The following PDS5A variants were observed in gnomAD, a reference collection of about 807,000 sequenced individuals.
PDS5A encodes sister chromatid cohesion protein PDS5 homolog A.
PDS5A carries 42 observed loss-of-function variants against 167.1 expected under a neutral mutation model. The ratio of observed to expected loss-of-function variants is 0.25; its 90% CI spans 0.20 to 0.33. PDS5A has a LOEUF of 0.33. PDS5A is among the 10% of genes least tolerant of loss of function. The pLI is 1.00. For synonymous variants in PDS5A, 553 were observed against 554.6 expected (o/e 1.00, Z 0.04); for missense variants, 1,033 against 1,605.9 (o/e 0.64, Z 6.10).
intron 17 of PDS5A, among the ~76,000 whole-genome samples, chr4:39,881,269 C>T (rs1004190848): frequency 7.2e-5 from 11 of 151,844 alleles, no homozygotes; most frequent in Non-Finnish European, 1.2e-4. Context: ...AATGAGTATA[C>T]GGATATCCCT....
At chr4:39,962,152 G>A (rs888220915) in intron 2 of PDS5A, among the ~76,000 whole-genome samples, 28 of 152,082 alleles carry the variant, frequency 1.8e-4, no homozygotes, top group African/African-American at 6.3e-4. Context: ...CCGCCTCCCG[G>A]GTTCACGGCA....
At chr4:39,842,189 T>C (rs1250356838) in intron 30 of PDS5A, 133 bp from the exon 31 acceptor site, 1 of 617,660 alleles carries the variant, frequency 1.6e-6, no homozygotes, top group East Asian at 2.8e-5. Context: ...AAGATTCGGA[T>C]ACTCTGTAGT....
In PDS5A at chr4:39,879,538, A is replaced by G. The variant is rs1336905015; in HGVS notation, c.1992+190T>C. ...TAAACAGTGAAACAAATATTAATTT[A>G]TAATGTAAAATAATTACATTATTAT... On this transcript the variant is annotated intron_variant, in intron 18 of 32. Transcript: ENST00000303538. Among the ~76,000 whole-genome samples, 6 of 152,208 alleles carry G rather than the reference A, an allele frequency of 3.9e-5. 1 individual carries two copies. In the South Asian group the frequency reaches 1.2e-3, roughly 32 times the overall value.
At chr4:39,883,411 C>T (rs577035723) in intron 17 of PDS5A, among the ~76,000 whole-genome samples, 4 of 152,174 alleles carry the variant, frequency 2.6e-5, no homozygotes, top group Admixed American at 6.5e-5. Context: ...GAACTCCTGA[C>T]CGCAGGTGAT....
chr4:39,931,894 T>C (rs2109747364), intron 2 of PDS5A, among the ~76,000 whole-genome samples: 1 of 150,620 alleles, frequency 6.6e-6, no homozygotes. Flanking sequence ...CAGGTGACTT[T>C]TTTTTTTTTT....
At chr4:39,895,727 T>A (rs547947462) in intron 16 of PDS5A, among the ~76,000 whole-genome samples, 14 of 152,280 alleles carry the variant, frequency 9.2e-5, no homozygotes, top group African/African-American at 3.4e-4. Context: ...TGTTTGATTG[T>A]TTGTTTTTGA....
chr4:39,963,756 T>A (rs944827772), intron 2 of PDS5A, among the ~76,000 whole-genome samples: 6 of 151,426 alleles, frequency 4.0e-5, no homozygotes, highest in African/African-American at 1.5e-4. Context: ...CACCTGAGCC[T>A]ATGGAGATCC....
chr4:39,924,211 C>G, intron 5 of PDS5A, among the ~76,000 whole-genome samples: 1 of 152,100 alleles, frequency 6.6e-6, no homozygotes, highest in East Asian at 1.9e-4. Context: ...AGATATTGAC[C>G]AGATATCCTG....
Position 39,902,438 on chromosome 4 carries a change from C to A in PDS5A, c.1408G>T (p.Ala470Ser). 6.4e-7 allele frequency: 1 copy of A among 1,557,928 alleles called. No individual in the cohort carries two copies. Among genetic ancestry groups the A allele is most frequent in the Non-Finnish European group, 8.8e-7 (1 of 1,139,128 alleles). Residue 470 changes from alanine (A) to serine (S), a missense_variant, in exon 13 of 33, where the codon GCT (alanine) becomes TCT (serine). By Grantham distance (99) the Ala-to-Ser change is moderately conservative. Coordinates refer to ENST00000303538, the MANE Select transcript of PDS5A (RefSeq NM_001100399.2). ...AGGTTGTGGGGGACAAGATACTGAGCAAAGATTTTCTCTACCAACAGTCTA... is the reference window on the plus strand; with the variant it reads ...AGGTTGTGGGGGACAAGATACTGAGAAAAGATTTTCTCTACCAACAGTCTA... ...DDKLLVEKIF[A>S]QYLVPHNLET...
At chr4:39,882,628 T>C (rs1210008285) in intron 17 of PDS5A, among the ~76,000 whole-genome samples, 2 of 152,226 alleles carry the variant, frequency 1.3e-5, no homozygotes, top group African/African-American at 2.4e-5. Flanking sequence ...CTACCTGTCA[T>C]GTGCCAAGTC....
At chr4:39,884,766 C>A (rs941989197) in intron 17 of PDS5A, among the ~76,000 whole-genome samples, 8 of 152,152 alleles carry the variant, frequency 5.3e-5, no homozygotes, top group African/African-American at 1.2e-4. Context: ...ATTTCCCTCA[C>A]GATTCAGTCC....
chr4:39,869,497 G>GAAA (rs34039605), intron 21 of PDS5A, 35 bp from the exon 22 acceptor site: 33 of 1,129,422 alleles, frequency 2.9e-5, no homozygotes, highest in Non-Finnish European at 1.3e-5. Flanking sequence ...CTATTAGCAT[G>GAAA]AAAAAAAAAA....
intron 2 of PDS5A, among the ~76,000 whole-genome samples, chr4:39,942,285 C>A (rs565066797): frequency 6.6e-6 from 1 of 152,164 alleles, no homozygotes. Context: ...CCAAAAATAT[C>A]TTGAGCCTCT....
In PDS5A at chr4:39,929,714, C is replaced by T. The variant is rs533432309; in HGVS notation, c.139-1550G>A. Among the ~76,000 whole-genome samples, 7 of 149,688 alleles carry T rather than the reference C, an allele frequency of 4.7e-5. No homozygotes were observed. In the East Asian group the frequency reaches 1.4e-3, roughly 29 times the overall value. ...ATATTCAAGCTATATTTTTATTCTG[C>T]CAAGATTTTTTATCATGAGTGTAAA... On this transcript the variant is annotated intron_variant, in intron 2 of 32. Coordinates refer to ENST00000303538, the MANE Select transcript of PDS5A (RefSeq NM_001100399.2).
At chr4:39,925,177 A>T (rs1725347272) in intron 5 of PDS5A, among the ~76,000 whole-genome samples, 1 of 152,116 alleles carries the variant, frequency 6.6e-6, no homozygotes, top group African/African-American at 2.4e-5. Flanking sequence ...CACACAAAAA[A>T]AACCAAACCA....
At chr4:39,884,182 C>T (rs952146680) in intron 17 of PDS5A, among the ~76,000 whole-genome samples, 2 of 152,316 alleles carry the variant, frequency 1.3e-5, no homozygotes, top group South Asian at 2.1e-4. Context: ...CCGCCTCGGC[C>T]TCCCAAAGTG....
At position 39,976,619 on chromosome 4, in the gene PDS5A, T is replaced by C; in HGVS notation, c.-40-2A>G. 1 of 1,537,326 alleles carries C rather than the reference T, an allele frequency of 6.5e-7. No individual in the cohort carries two copies. Among genetic ancestry groups the C allele is most frequent in the Non-Finnish European group, 8.9e-7 (1 of 1,129,216 alleles). On this transcript the variant is annotated splice_acceptor_variant, in intron 1 of 32. Coordinates refer to ENST00000303538, the MANE Select transcript of PDS5A (RefSeq NM_001100399.2). LOFTEE classifies it low-confidence loss of function (5UTR_SPLICE). ...TGGTTCACAGTCCTCTACCGGCCTC[T>C]ATCGGTCAGAAAACCAAAGTTCAGC...
chr4:39,895,884 ATTTTTTT>A (rs565936850), intron 16 of PDS5A, among the ~76,000 whole-genome samples: 1 of 143,742 alleles, frequency 7.0e-6, no homozygotes, highest in Non-Finnish European at 1.5e-5. Context: ...TGCTCAGCTA[ATTTTTTT>A]TTTTTTGTAT....
chr4:39,964,357 G>A (rs1729778599), intron 2 of PDS5A, among the ~76,000 whole-genome samples: 1 of 152,132 alleles, frequency 6.6e-6, no homozygotes, highest in Admixed American at 6.6e-5. Context: ...GTAAATAAGG[G>A]GGATGTATTT....
Sources: allele counts gnomAD v4.1 joint callset (sites outside exome capture counted in the v4.1 genomes callset), GRCh38; gene constraint gnomAD v4.1.1; transcripts MANE v1.5; gene names NCBI Gene and HGNC (gene_info 2026-07-23, HGNC 2026-07-21).